Variants in AIG1 observed in about 807,000 individuals in gnomAD.
AIG1 encodes androgen induced 1.
In AIG1, 23 loss-of-function variants were observed where a neutral mutation model predicts 31.4. The ratio of observed to expected loss-of-function variants is 0.73; its 90% CI spans 0.53 to 1.04. The LOEUF (loss-of-function observed/expected upper bound fraction) is 1.04. AIG1 is among the 50% of genes least tolerant of loss of function. The pLI is 0.00. For missense variants in AIG1, 274 were observed against 295.0 expected (o/e 0.93, Z 0.52); for synonymous variants, 100 against 110.5 (o/e 0.90, Z 0.60).
At chr6:143,272,259 G>T (rs1796576969) in intron 3 of AIG1, among the ~76,000 whole-genome samples, 1 of 152,102 alleles carries the variant, frequency 6.6e-6, no homozygotes, top group Non-Finnish European at 1.5e-5. Flanking sequence ...GTCAGAATAG[G>T]CTAACTTACC....
chr6:143,232,919 T>C (rs546992752), intron 3 of AIG1, among the ~76,000 whole-genome samples: 1 of 152,314 alleles, frequency 6.6e-6, no homozygotes, highest in African/African-American at 2.4e-5. Context: ...GCGATGTCCT[T>C]TCAGAGTCAC....
chr6:143,104,889 A>G (rs1482665844), intron 1 of AIG1, among the ~76,000 whole-genome samples: 1 of 151,670 alleles, frequency 6.6e-6, no homozygotes, highest in East Asian at 1.9e-4. Flanking sequence ...ACAGAGCAAG[A>G]CCGTGTCTCA....
At chr6:143,090,356 C>T (rs936861061) in intron 1 of AIG1, among the ~76,000 whole-genome samples, 1 of 151,958 alleles carries the variant, frequency 6.6e-6, no homozygotes, top group Admixed American at 6.6e-5. Context: ...AGTTTATATA[C>T]TGTATATATA....
intron 1 of AIG1, among the ~76,000 whole-genome samples, chr6:143,087,423 G>C (rs759657056): frequency 1.3e-5 from 2 of 152,226 alleles, no homozygotes; most frequent in African/African-American, 2.4e-5. Flanking sequence ...GCTCAATTAG[G>C]ATGAACCCAG....
At chr6:143,148,337 C>CAAAAA (rs527337431) in intron 2 of AIG1, among the ~76,000 whole-genome samples, 1 of 46,384 alleles carries the variant, frequency 2.2e-5, no homozygotes, top group Non-Finnish European at 5.1e-5. Context: ...CCCATCTCTA[C>CAAAAA]AAAAAAAAAA....
At chr6:143,152,543 TTTAA>T (rs1785334452) in intron 2 of AIG1, among the ~76,000 whole-genome samples, 1 of 152,182 alleles carries the variant, frequency 6.6e-6, no homozygotes, top group Non-Finnish European at 1.5e-5. Context: ...TGGATATCTG[TTTAA>T]TTATTTTATT....
intron 1 of AIG1, among the ~76,000 whole-genome samples, chr6:143,111,250 G>C (rs982899664): frequency 6.6e-6 from 1 of 152,042 alleles, no homozygotes; most frequent in Non-Finnish European, 1.5e-5. Context: ...TCTCATACCA[G>C]CCCCTGACTC....
intron 1 of AIG1, among the ~76,000 whole-genome samples, chr6:143,093,480 C>G (rs1158272063): frequency 6.6e-6 from 1 of 152,210 alleles, no homozygotes; most frequent in East Asian, 1.9e-4. Flanking sequence ...ATCACTCAAA[C>G]TTTCTCCGTG....
At chr6:143,239,880 C>T (rs1040693149) in intron 3 of AIG1, among the ~76,000 whole-genome samples, 8 of 152,188 alleles carry the variant, frequency 5.3e-5, no homozygotes, top group Non-Finnish European at 1.2e-4. Context: ...AGGATGTTTA[C>T]CTGACTGGAA....
downstream of AIG1, chr6:143,343,195 C>A (rs1490242556): frequency 2.8e-6 from 2 of 708,138 alleles, no homozygotes; most frequent in African/African-American, 3.5e-5. Flanking sequence ...ATTAACGCCA[C>A]GGATATGGCA....
chr6:143,244,604 C>CAA (rs1390689827), intron 3 of AIG1, among the ~76,000 whole-genome samples: 1 of 152,122 alleles, frequency 6.6e-6, no homozygotes, highest in Admixed American at 6.5e-5. Context: ...GATGATATAG[C>CAA]AAAGAGAAGG....
rs1025879649 is a variant in AIG1, at chr6:143,329,052, G to A, written c.516-4230G>A. The stretch of plus-strand genomic sequence containing the variant: ...GATAAAAATCAAGGAAACAAATGGT[G>A]AAAGCACAACTTGTTAAGACAAGTG... On this transcript the variant is annotated intron_variant, in intron 4 of 5. Coordinates refer to ENST00000357847, the MANE Select transcript of AIG1 (RefSeq NM_016108.4). This position sits in a 1 kb window ranked among gnomAD's most constrained non-coding sequence, Gnocchi z 4.9. Among the ~76,000 whole-genome samples, 1 of 152,206 alleles carries A rather than the reference G, an allele frequency of 6.6e-6. No homozygotes were observed. Among genetic ancestry groups the A allele is most frequent in the African/African-American group, 2.4e-5 (1 of 41,462 alleles).
At chr6:143,233,625 G>T (rs969815726) in intron 3 of AIG1, among the ~76,000 whole-genome samples, 1 of 151,670 alleles carries the variant, frequency 6.6e-6, no homozygotes, top group Admixed American at 6.6e-5. Context: ...AAGCTGATGT[G>T]TAGAAAACAG....
At chr6:143,343,077 C>G, downstream of AIG1, 51 of 779,284 alleles carry the variant, frequency 6.5e-5, 1 homozygote, top group South Asian at 6.8e-4. Context: ...GTGCATCTCG[C>G]GCCATCATGA....
chr6:143,244,431 A>T (rs984290086), intron 3 of AIG1, among the ~76,000 whole-genome samples: 1 of 152,196 alleles, frequency 6.6e-6, no homozygotes. Context: ...TGCAGAAAAA[A>T]TCCCAGTCTA....
At chr6:143,260,892 C>T (rs1473573965) in intron 3 of AIG1, among the ~76,000 whole-genome samples, 11 of 151,898 alleles carry the variant, frequency 7.2e-5, no homozygotes, top group African/African-American at 2.7e-4. Flanking sequence ...CTTAAAGAAG[C>T]CCTAATTCCC....
At position 143,136,925 on chromosome 6, in the gene AIG1, C is replaced by A; in HGVS notation, c.232C>A (p.Gln78Lys). 6.5e-7 allele frequency: 1 copy of A among 1,532,672 alleles called. No homozygotes were observed. Among genetic ancestry groups the A allele is most frequent in the South Asian group, 1.3e-5 (1 of 79,952 alleles). 94.9% of individuals were successfully genotyped at this position (1,532,672 alleles called of 1,614,324 possible). A position where few individuals can be genotyped will look rare whatever the true frequency, so the allele number is the denominator to read the frequency against. The change falls in exon 2 of 6, where the codon CAG (glutamine) becomes AAG (lysine). Residue 78 changes from glutamine to lysine, a missense_variant. Gln to Lys is a moderately conservative substitution (Grantham distance 53). Coordinates refer to ENST00000357847, the MANE Select transcript of AIG1 (RefSeq NM_016108.4). ...RGSGNQEQER[Q>K]LKKLISLRDW... ...AAGTGGGAACCAGGAGCAAGAGAGG[C>A]AGCTCAAGAAGCTCATCTCTCTCCG... is the stretch of plus-strand genomic sequence containing the variant.
chr6:143,141,363 T>C (rs2128528646), intron 2 of AIG1, among the ~76,000 whole-genome samples: 1 of 152,368 alleles, frequency 6.6e-6, no homozygotes, highest in East Asian at 1.9e-4. Context: ...AATTGCTGTA[T>C]GTGAGCATGA....
chr6:143,272,820 A>T (rs1375943338), intron 3 of AIG1, among the ~76,000 whole-genome samples: 1 of 149,796 alleles, frequency 6.7e-6, no homozygotes, highest in Middle Eastern at 3.2e-3. Context: ...AGAAACTTGG[A>T]CTTCACCTGA....
Sources: allele counts gnomAD v4.1 joint callset (sites outside exome capture counted in the v4.1 genomes callset), GRCh38; gene constraint gnomAD v4.1.1; non-coding constraint Gnocchi (gnomAD v3.1); transcripts MANE v1.5; gene names NCBI Gene and HGNC (gene_info 2026-07-23, HGNC 2026-07-21).